CRYBG1: variants seen among roughly 807,000 people sequenced by gnomAD.
The protein encoded by CRYBG1 is crystallin beta-gamma domain containing 1, also known as beta/gamma crystallin domain-containing protein 1.
In CRYBG1, 139 loss-of-function variants were observed where a neutral mutation model predicts 189.2. The observed-to-expected ratio is 0.73, with a 90% CI of 0.64 to 0.85. CRYBG1 has a LOEUF of 0.85. Among genes scored for constraint, CRYBG1 ranks in the 40% least tolerant of loss-of-function variants. CRYBG1 has a pLI of 0.00. For synonymous variants in CRYBG1, 1,023 were observed against 1,017.1 expected (o/e 1.01, Z -0.11); for missense variants, 2,611 against 2,675.8 (o/e 0.98, Z 0.53).
chr6:106,557,562 C>G (rs1025090122), intron 17 of CRYBG1, among the ~76,000 whole-genome samples: 4 of 152,286 alleles, frequency 2.6e-5, no homozygotes, highest in Non-Finnish European at 5.9e-5. Context: ...AAGCATGCAC[C>G]ACCATGCCCG....
chr6:106,466,718 G>A (rs1772120832), intron 2 of CRYBG1, among the ~76,000 whole-genome samples: 1 of 152,178 alleles, frequency 6.6e-6, no homozygotes, highest in African/African-American at 2.4e-5. Flanking sequence ...TCAGAATCAA[G>A]GTATCAGTTG....
At chr6:106,554,189 G>A (rs1392151341) in intron 16 of CRYBG1, among the ~76,000 whole-genome samples, 1 of 152,190 alleles carries the variant, frequency 6.6e-6, no homozygotes, top group African/African-American at 2.4e-5. Context: ...CTGTGCAAGA[G>A]GTGTTGAGGA....
chr6:106,399,643 T>C (rs1434066931), intron 1 of CRYBG1, among the ~76,000 whole-genome samples: 2 of 145,084 alleles, frequency 1.4e-5, no homozygotes, highest in Non-Finnish European at 3.0e-5. Context: ...CGGTCCTTTT[T>C]TTTAGTTTTT....
At chr6:106,541,039 G>C (rs1430987406) in intron 9 of CRYBG1, 62 of 253,080 alleles carry the variant, frequency 2.4e-4, no homozygotes, top group Non-Finnish European at 1.4e-4. Context: ...GAGTCCCCCA[G>C]ATCTTATTAT....
At chr6:106,403,160 C>T (rs192977607) in intron 1 of CRYBG1, among the ~76,000 whole-genome samples, 18 of 152,148 alleles carry the variant, frequency 1.2e-4, no homozygotes, top group African/African-American at 2.4e-4. Flanking sequence ...CAAAGCCAGA[C>T]GCCTTCTCTT....
intron 1 of CRYBG1, among the ~76,000 whole-genome samples, chr6:106,405,928 T>G (rs6928674): frequency 6.6e-6 from 1 of 152,104 alleles, no homozygotes; most frequent in African/African-American, 2.4e-5. Flanking sequence ...GAAAAATCAG[T>G]GCAAAAAGGC....
At chr6:106,436,327 C>G (rs1771456295) in intron 1 of CRYBG1, among the ~76,000 whole-genome samples, 1 of 139,490 alleles carries the variant, frequency 7.2e-6, no homozygotes, top group Non-Finnish European at 1.5e-5. Context: ...GAGACGGAGT[C>G]TCGCTCTGTT....
intron 1 of CRYBG1, among the ~76,000 whole-genome samples, chr6:106,417,716 G>A (rs1479542727): frequency 6.6e-6 from 1 of 152,262 alleles, no homozygotes; most frequent in Non-Finnish European, 1.5e-5. Context: ...GAGGGAGAAT[G>A]TGAGAGAGCG....
intron 2 of CRYBG1, among the ~76,000 whole-genome samples, chr6:106,510,310 G>A (rs1773219981): frequency 6.6e-6 from 1 of 152,074 alleles, no homozygotes; most frequent in African/African-American, 2.4e-5. Context: ...TCCTCTTCCT[G>A]CCCACCTCTA....
chr6:106,395,066 T>C (rs755873195), intron 1 of CRYBG1, among the ~76,000 whole-genome samples: 2 of 151,472 alleles, frequency 1.3e-5, no homozygotes, highest in Non-Finnish European at 2.9e-5. Flanking sequence ...CTTTCAATTT[T>C]CAAATGTATT....
At chr6:106,386,516 G>C (rs577578639) in intron 1 of CRYBG1, among the ~76,000 whole-genome samples, 1 of 152,310 alleles carries the variant, frequency 6.6e-6, no homozygotes, top group African/African-American at 2.4e-5. Flanking sequence ...GCAAGCAATT[G>C]ATGTATTATG....
chr6:106,427,187 G>A (rs1026562511), intron 1 of CRYBG1, among the ~76,000 whole-genome samples: 5 of 152,120 alleles, frequency 3.3e-5, no homozygotes, highest in Non-Finnish European at 7.3e-5. Context: ...TCATCTGTAT[G>A]ATTCTGACTC....
At chr6:106,436,581 A>C (rs991958135) in intron 1 of CRYBG1, among the ~76,000 whole-genome samples, 19 of 124,160 alleles carry the variant, frequency 1.5e-4, no homozygotes, top group South Asian at 1.3e-3. Flanking sequence ...GCGTGAGCCA[A>C]CGCGCCCGGC....
chr6:106,541,834 A>G (rs1313902726), intron 10 of CRYBG1, among the ~76,000 whole-genome samples: 1 of 152,172 alleles, frequency 6.6e-6, no homozygotes, highest in South Asian at 2.1e-4. Context: ...TGCTAATGGC[A>G]CTGGTTATCA....
Position 106,361,953 on chromosome 6 carries a change from T to TTTTCTTTCTTTCTTTCTTTCTTTC in CRYBG1, c.173+875_173+876insCTTTCTTTCTTTCTTTCTTTCTTT, listed in dbSNP as rs1229504243. 3.1e-3 allele frequency among the ~76,000 whole-genome samples: 276 copies of TTTTCTTTCTTTCTTTCTTTCTTTC among 89,092 alleles called. 31 individuals carry two copies. Among genetic ancestry groups the TTTTCTTTCTTTCTTTCTTTCTTTC allele is most frequent in the East Asian group, 7.2e-3 (21 of 2,936 alleles). The allele number at this position is 89,092 out of a possible 152,430, so 58.4% of individuals were successfully genotyped here. A position where few individuals can be genotyped will look rare whatever the true frequency, so the allele number is the denominator to read the frequency against. ...ATTTGCATTTTAGACATGGTTTTCC[T>TTTTCTTTCTTTCTTTCTTTCTTTC]TTTATTTCTTTCTTTCTTTTTTTTT... On this transcript the variant is annotated intron_variant, in intron 1 of 21. Coordinates refer to ENST00000633556, the MANE Select transcript of CRYBG1 (RefSeq NM_001371242.2).
chr6:106,550,163 A>T (rs1455805205), intron 13 of CRYBG1, among the ~76,000 whole-genome samples: 2 of 152,226 alleles, frequency 1.3e-5, no homozygotes, highest in Non-Finnish European at 2.9e-5. Flanking sequence ...ATCTTTGTAT[A>T]TCTAGTGCCA....
At chr6:106,538,767 G>T (rs1016304908) in intron 8 of CRYBG1, among the ~76,000 whole-genome samples, 2 of 151,888 alleles carry the variant, frequency 1.3e-5, no homozygotes, top group Admixed American at 1.3e-4. Context: ...GTGGTGGTGT[G>T]TGCCTGTACT....
intron 8 of CRYBG1, among the ~76,000 whole-genome samples, chr6:106,536,186 T>C (rs1425907026): frequency 1.3e-5 from 2 of 152,144 alleles, no homozygotes; most frequent in Non-Finnish European, 2.9e-5. Flanking sequence ...CCGAATTTCC[T>C]ATCTACTAGG....
intron 1 of CRYBG1, among the ~76,000 whole-genome samples, chr6:106,419,335 C>T (rs1771082543): frequency 1.3e-5 from 2 of 152,184 alleles, no homozygotes; most frequent in Admixed American, 1.3e-4. Flanking sequence ...TCCTATGTCA[C>T]CATGAGAAAG....
Sources: allele counts gnomAD v4.1 joint callset (sites outside exome capture counted in the v4.1 genomes callset), GRCh38; gene constraint gnomAD v4.1.1; transcripts MANE v1.5; gene names NCBI Gene and HGNC (gene_info 2026-07-23, HGNC 2026-07-21).